Variants in PROX1 observed in about 807,000 individuals in gnomAD.
The protein encoded by PROX1 is prospero homeobox 1.
A neutral mutation model predicts 58.8 loss-of-function variants in PROX1; 7 were observed. The ratio of observed to expected loss-of-function variants is 0.12; its 90% confidence interval spans 0.07 to 0.22. The LOEUF (loss-of-function observed/expected upper bound fraction) is 0.22. Among genes scored for constraint, PROX1 ranks in the 10% least tolerant of loss-of-function variants. The pLI is 1.00. For missense variants in PROX1, 675 were observed against 927.8 expected, an observed-to-expected ratio of 0.73 and a Z score of 3.54; for synonymous variants, 350 against 358.3, an observed-to-expected ratio of 0.98 and a Z score of 0.26.
intron 1 of PROX1, among the ~76,000 whole-genome samples, chr1:213,992,356 G>A (rs1663067494): frequency 1.3e-5 from 2 of 152,114 alleles, no homozygotes; most frequent in Non-Finnish European, 2.9e-5. Flanking sequence ...CTGATAGGGA[G>A]CAGAAATATC....
At chr1:213,984,564 C>G (rs1003619647), upstream of PROX1, 2 of 152,318 alleles carry the variant, frequency 1.3e-5, no homozygotes, top group East Asian at 1.9e-4. Context: ...ACTTCCCCCC[C>G]ATTCAGAACA....
chr1:213,996,560 C>A lies in PROX1; in HGVS notation c.25C>A (p.Leu9Ile), dbSNP rs2102693255. MPDHDSTALLSRQTKRRRV... is the reference protein window; with the variant it reads MPDHDSTAILSRQTKRRRV... ...GATGCCTGACCATGACAGCACAGCC[C>A]TCTTAAGCCGGCAAACCAAGAGGAG... Residue 9 changes from leucine to isoleucine, a missense_variant, in exon 2 of 5, where the codon CTC becomes ATC. This residue lies in a region of PROX1 where 157 missense variants were observed against 197.8 expected (regional missense o/e 0.79). Transcript: ENST00000366958. 1.2e-6 allele frequency: 2 copies of A among 1,614,008 alleles called. No homozygotes were observed. Among genetic ancestry groups the A allele is most frequent in the East Asian group, 4.5e-5 (2 of 44,876 alleles).
rs1452588626 is a variant in PROX1, at chr1:214,040,856, A to G, written c.*5022A>G. 6.6e-6 allele frequency: 1 copy of G among 152,040 alleles called. No homozygotes were observed. Among genetic ancestry groups the G allele is most frequent in the Non-Finnish European group, 1.5e-5 (1 of 67,984 alleles). 9.4% of individuals were successfully genotyped at this position (152,040 alleles called of 1,614,324 possible). A position where few individuals can be genotyped will look rare whatever the true frequency, so the allele number is the denominator to read the frequency against. ...ATAATTTATTGGTTTAATTTATCCTAATTTATTTGATGAAGGTGTACAATT... is the reference window on the plus strand; with the variant it reads ...ATAATTTATTGGTTTAATTTATCCTGATTTATTTGATGAAGGTGTACAATT... On this transcript the variant is annotated 3_prime_UTR_variant, in exon 5 of 5. Transcript: ENST00000366958.
chr1:213,992,453 A>C (rs1663070163), intron 1 of PROX1, among the ~76,000 whole-genome samples: 1 of 152,158 alleles, frequency 6.6e-6, no homozygotes, highest in South Asian at 2.1e-4. Context: ...TTCAGGGGCT[A>C]CTTAAATCAG....
intron 4 of PROX1, among the ~76,000 whole-genome samples, chr1:214,015,271 A>C (rs754153425): frequency 8.5e-5 from 13 of 152,130 alleles, no homozygotes; most frequent in Non-Finnish European, 1.3e-4. Context: ...TGAGTGTGTG[A>C]GGCACGCAGG....
intron 2 of PROX1, among the ~76,000 whole-genome samples, chr1:214,000,458 T>A (rs1228479777): frequency 6.6e-6 from 1 of 152,232 alleles, no homozygotes; most frequent in African/African-American, 2.4e-5. Flanking sequence ...TCTATCAACA[T>A]AACTTTCTGT....
At chr1:214,013,560 T>A (rs1016899775) in intron 4 of PROX1, among the ~76,000 whole-genome samples, 71 of 86,330 alleles carry the variant, frequency 8.2e-4, no homozygotes, top group African/African-American at 3.1e-3. Context: ...GTCCTTAAAG[T>A]GCGCACGAGG....
At chr1:213,993,959 A>G (rs1303853838) in intron 1 of PROX1, among the ~76,000 whole-genome samples, 1 of 152,230 alleles carries the variant, frequency 6.6e-6, no homozygotes, top group East Asian at 1.9e-4. Flanking sequence ...AGGGAGTTAT[A>G]TCTTGTTCTT....
At chr1:214,022,489 T>C (rs1030765380) in intron 4 of PROX1, among the ~76,000 whole-genome samples, 2 of 152,206 alleles carry the variant, frequency 1.3e-5, no homozygotes, top group African/African-American at 4.8e-5. Context: ...CTCATCAGAA[T>C]TGGAACATAT....
In PROX1 at chr1:213,997,493, A is replaced by G; in HGVS notation, c.958A>G (p.Met320Val). The G allele has an allele frequency of 1.2e-6, 2 of 1,614,120 alleles. No homozygotes were observed. ...RARALIREQE[M>V]AENKPKREGN... is the part of the protein sequence containing the mutation. ...TCGAGCCCTGATCAGAGAGCAGGAA[A>G]TGGCTGAAAACAAGCCGAAGCGAGA... Residue 320 changes from methionine (M) to valine (V), a missense_variant, in exon 2 of 5, where the codon ATG (methionine) becomes GTG (valine). Coordinates refer to ENST00000366958, the MANE Select transcript of PROX1 (RefSeq NM_001270616.2). This position sits in a 1 kb window ranked among gnomAD's most constrained non-coding sequence, Gnocchi z 7.1.
At position 213,996,853 on chromosome 1, in the gene PROX1, C is replaced by A; in HGVS notation, c.318C>A (p.Gly106=). 3 of 1,614,052 alleles carry A rather than the reference C, an allele frequency of 1.9e-6. No homozygotes were observed. Among genetic ancestry groups the A allele is most frequent in the Non-Finnish European group, 2.5e-6 (3 of 1,180,018 alleles). The stretch of plus-strand genomic sequence containing the variant: ...AAAATAACATGAACAAAAATGGTGG[C>A]ACGGAGCCCAGTTTCCAAGCCAGCG... ...LLKNNMNKNG[G]TEPSFQASGL... The change falls in exon 2 of 5, where the codon GGC becomes GGA. Residue 106 remains glycine, a synonymous_variant. Transcript: ENST00000366958.
Position 214,039,254 on chromosome 1 carries a change from G to A in PROX1, c.*3420G>A, listed in dbSNP as rs1256719449. ...CTTACTGTATCTCTGGCTGTTTAAT[G>A]AGGACGTTTCACATTAAATGGTAAA... On this transcript the variant is annotated 3_prime_UTR_variant, in exon 5 of 5. Coordinates refer to ENST00000366958, the MANE Select transcript of PROX1 (RefSeq NM_001270616.2). The A allele has an allele frequency of 6.6e-6, 1 of 152,188 alleles. No individual in the cohort carries two copies. Among genetic ancestry groups the A allele is most frequent in the Non-Finnish European group, 1.5e-5 (1 of 68,040 alleles). 9.4% of individuals were successfully genotyped at this position (152,188 alleles called of 1,614,324 possible).
In PROX1 at chr1:213,997,849, A is replaced by C. The variant is rs776325446; in HGVS notation, c.1314A>C (p.Ala438=). 6 of 1,614,016 alleles carry C rather than the reference A, an allele frequency of 3.7e-6. No individual in the cohort carries two copies. The highest frequency in any genetic ancestry group is 5.1e-6 in the Non-Finnish European group (6 of 1,179,930). The change falls in exon 2 of 5, where the codon GCA becomes GCC. Residue 438 remains alanine, a synonymous_variant. Coordinates refer to ENST00000366958, the MANE Select transcript of PROX1 (RefSeq NM_001270616.2). The surrounding 1 kb of genome is among the most constrained non-coding windows in gnomAD (Gnocchi z 7.1). ...QMASSTDQTE[A]LPLVVRKNSS... ...CCAGTTCCACTGACCAGACAGAAGC[A>C]CTGCCCCTGGTTGTCCGCAAAAACT...
At chr1:214,014,874 G>A (rs1024987896) in intron 4 of PROX1, among the ~76,000 whole-genome samples, 19 of 152,074 alleles carry the variant, frequency 1.2e-4, no homozygotes, top group African/African-American at 4.3e-4. Flanking sequence ...CACCACCTCC[G>A]TCCAGCCCCT....
intron 4 of PROX1, chr1:214,029,419 G>C (rs553661153): frequency 6.6e-6 from 1 of 152,268 alleles, no homozygotes; most frequent in East Asian, 1.9e-4. Context: ...GCACAAAAGA[G>C]ACTCTTAGGA....
intron 4 of PROX1, among the ~76,000 whole-genome samples, chr1:214,018,434 T>C (rs879604659): frequency 6.6e-6 from 1 of 152,214 alleles, no homozygotes; most frequent in Admixed American, 6.5e-5. Context: ...AATTCTATCT[T>C]GTAAGATGAT....
chr1:214,012,067 T>G (rs550938307), intron 4 of PROX1, among the ~76,000 whole-genome samples: 166 of 152,282 alleles, frequency 1.1e-3, no homozygotes, highest in African/African-American at 3.8e-3. Flanking sequence ...CTTTTTCATA[T>G]TTAGGTTCTG....
chr1:214,032,941 G>A (rs1406293612), intron 4 of PROX1, among the ~76,000 whole-genome samples: 1 of 152,178 alleles, frequency 6.6e-6, no homozygotes, highest in African/African-American at 2.4e-5. Flanking sequence ...AAATGATGAA[G>A]AGGAGACTGC....
intron 4 of PROX1, among the ~76,000 whole-genome samples, chr1:214,026,849 A>T (rs112731191): frequency 0.018 from 2,776 of 152,202 alleles, 95 homozygotes; most frequent in African/African-American, 0.061. Context: ...AGCTCCTGTG[A>T]TGCTTTTCCA....
Sources: allele counts gnomAD v4.1 joint callset (sites outside exome capture counted in the v4.1 genomes callset), GRCh38; gene constraint gnomAD v4.1.1; regional missense constraint gnomAD v4.1.1; non-coding constraint Gnocchi (gnomAD v3.1); transcripts MANE v1.5; gene names NCBI Gene and HGNC (gene_info 2026-07-23, HGNC 2026-07-21).